GRIP1: variants seen among roughly 807,000 people sequenced by gnomAD.
GRIP1 encodes glutamate receptor-interacting protein 1.
Under a neutral mutation model 129.9 loss-of-function variants are expected in GRIP1, and 45 were observed. The observed-to-expected ratio is 0.35, with a 90% CI of 0.27 to 0.44. The LOEUF is 0.44. GRIP1 is among the 20% of genes least tolerant of loss of function. The probability of loss-of-function intolerance (pLI) is 1.00; values close to 1 mark genes in which losing one functional copy is unlikely to be tolerated. For synonymous variants in GRIP1, 530 were observed against 520.8 expected, an observed-to-expected ratio of 1.02 and a Z score of -0.24; for missense variants, 1,196 against 1,396.8, an observed-to-expected ratio of 0.86 and a Z score of 2.29.
rs765022750 is a variant in GRIP1, at chr12:66,350,500, GAAAT to G, written c.3160-1258_3160-1255del. On this transcript the variant is annotated intron_variant, in intron 24 of 24. Transcript: ENST00000359742. The stretch of plus-strand genomic sequence containing the variant: ...GGATGACAAGAGAGAAACTCTGTCT[GAAAT>G]AAATAAATACATAGATACATTTTGT... 6.6e-5 allele frequency among the ~76,000 whole-genome samples: 10 copies of G among 152,228 alleles called. No individual in the cohort carries two copies. The South Asian group carries it at 1.5e-3, about 22-fold the overall frequency.
chr12:66,536,800 T>C (rs1373709010), intron 4 of GRIP1, among the ~76,000 whole-genome samples: 1 of 152,216 alleles, frequency 6.6e-6, no homozygotes, highest in Non-Finnish European at 1.5e-5. Flanking sequence ...TCCTAGTACA[T>C]AGTGGTGGCT....
At chr12:66,550,467 G>A (rs569515377) in intron 2 of GRIP1, among the ~76,000 whole-genome samples, 4 of 152,252 alleles carry the variant, frequency 2.6e-5, no homozygotes, top group Admixed American at 1.3e-4. Flanking sequence ...AATTAACAGT[G>A]GTATTTAACT....
intron 1 of GRIP1, among the ~76,000 whole-genome samples, chr12:66,903,678 T>C (rs12580443): frequency 0.26 from 39,455 of 152,068 alleles, 5,526 homozygotes; most frequent in East Asian, 0.45. Flanking sequence ...TTAAAGTCTA[T>C]TTGTTGAATG....
chr12:66,666,215 T>C (rs757095595), intron 1 of GRIP1, among the ~76,000 whole-genome samples: 16 of 152,178 alleles, frequency 1.1e-4, no homozygotes, highest in Non-Finnish European at 1.8e-4. Flanking sequence ...ATGATGATTA[T>C]GTAAATATTT....
chr12:66,456,977 T>C (rs772361673), intron 9 of GRIP1, among the ~76,000 whole-genome samples: 29 of 152,166 alleles, frequency 1.9e-4, no homozygotes, highest in Non-Finnish European at 4.1e-4. Context: ...TATTTTATGA[T>C]TTTTTGAAAA....
chr12:66,966,620 A>G (rs1046846212), intron 1 of GRIP1, among the ~76,000 whole-genome samples: 20 of 152,124 alleles, frequency 1.3e-4, no homozygotes, highest in Non-Finnish European at 7.4e-5. Context: ...AATTTCTGAG[A>G]TTTCCGTTGG....
At chr12:67,009,762 A>G (rs933426861) in intron 1 of GRIP1, among the ~76,000 whole-genome samples, 1 of 152,208 alleles carries the variant, frequency 6.6e-6, no homozygotes, top group Non-Finnish European at 1.5e-5. Flanking sequence ...ATTTTTAAAT[A>G]TAGTAAAAGG....
chr12:66,411,831 C>T (rs981905820), intron 15 of GRIP1, among the ~76,000 whole-genome samples: 24 of 152,238 alleles, frequency 1.6e-4, no homozygotes, highest in Non-Finnish European at 2.1e-4. Context: ...AACTTCACAA[C>T]GCAATCACAA....
At chr12:66,399,471 A>C (rs766975549) in intron 16 of GRIP1, among the ~76,000 whole-genome samples, 1 of 151,930 alleles carries the variant, frequency 6.6e-6, no homozygotes, top group South Asian at 2.1e-4. Context: ...ACGTAGAATC[A>C]CTAGTAAGTT....
At chr12:66,527,480 A>T (rs1030094766) in intron 5 of GRIP1, among the ~76,000 whole-genome samples, 4 of 151,846 alleles carry the variant, frequency 2.6e-5, no homozygotes, top group Non-Finnish European at 5.9e-5. Flanking sequence ...GAACAATGAG[A>T]ACATGGACAC....
chr12:66,363,194 T>G (rs1246367666), intron 23 of GRIP1, among the ~76,000 whole-genome samples: 1 of 80,434 alleles, frequency 1.2e-5, no homozygotes, highest in Non-Finnish European at 2.5e-5. Context: ...TATGTGTGTG[T>G]GTGTCCATAT....
At chr12:66,850,695 G>A (rs1354778632) in intron 1 of GRIP1, among the ~76,000 whole-genome samples, 4 of 151,770 alleles carry the variant, frequency 2.6e-5, no homozygotes, top group Non-Finnish European at 5.9e-5. Flanking sequence ...AAGAAATTCA[G>A]AGCACATTTT....
chr12:66,840,949 TA>T (rs1158038694), intron 1 of GRIP1, among the ~76,000 whole-genome samples: 1 of 152,162 alleles, frequency 6.6e-6, no homozygotes, highest in African/African-American at 2.4e-5. Flanking sequence ...AGTTTCCAAG[TA>T]AAATAAAAGA....
At chr12:66,429,413 T>G (rs1168613713) in intron 14 of GRIP1, among the ~76,000 whole-genome samples, 1 of 152,182 alleles carries the variant, frequency 6.6e-6, no homozygotes, top group African/African-American at 2.4e-5. Flanking sequence ...CTTAAAATAT[T>G]TTAGCAGGCA....
chr12:66,922,229 T>C (rs960902702), intron 1 of GRIP1, among the ~76,000 whole-genome samples: 5 of 152,184 alleles, frequency 3.3e-5, no homozygotes, highest in Non-Finnish European at 7.3e-5. Flanking sequence ...CCAGCTTCCC[T>C]GGCTCTAGAA....
chr12:66,675,333 A>G (rs1261979447), intron 1 of GRIP1, among the ~76,000 whole-genome samples: 6 of 152,088 alleles, frequency 3.9e-5, no homozygotes, highest in African/African-American at 1.4e-4. Flanking sequence ...TTGCCAGTGG[A>G]GCACGAAAGT....
chr12:66,969,246 T>C (rs2042038826), intron 1 of GRIP1, among the ~76,000 whole-genome samples: 1 of 152,212 alleles, frequency 6.6e-6, no homozygotes, highest in Non-Finnish European at 1.5e-5. Flanking sequence ...TGAATTTAGG[T>C]TAGATGTCTG....
chr12:66,839,076 G>C (rs1393750946), intron 1 of GRIP1, among the ~76,000 whole-genome samples: 2 of 151,902 alleles, frequency 1.3e-5, no homozygotes, highest in Non-Finnish European at 2.9e-5. Context: ...TTATCATAGC[G>C]ACTATAGCTA....
At chr12:66,876,944 T>C (rs1331158009) in intron 1 of GRIP1, among the ~76,000 whole-genome samples, 2 of 152,134 alleles carry the variant, frequency 1.3e-5, no homozygotes, top group Admixed American at 6.6e-5. Context: ...ACAGCTTTTG[T>C]ACATGTAAAC....
Sources: gnomAD v4.1 joint callset for allele counts (sites outside exome capture counted in the v4.1 genomes callset) on GRCh38, gnomAD v4.1.1 for gene constraint, MANE v1.5 for transcripts, NCBI Gene and HGNC (gene_info 2026-07-23, HGNC 2026-07-21) for gene names.